PIWIL1: variants seen among roughly 807,000 people sequenced by gnomAD.
The protein encoded by PIWIL1 is piwi-like protein 1.
In PIWIL1, 73 loss-of-function variants were observed where a neutral mutation model predicts 114.4. That is an observed-to-expected ratio of 0.64 (90% confidence interval 0.53 to 0.78). The LOEUF (loss-of-function observed/expected upper bound fraction) is 0.78. PIWIL1 is among the 30% of genes least tolerant of loss of function. PIWIL1 has a pLI of 0.00. For missense variants in PIWIL1, 723 were observed against 1,063.1 expected, an observed-to-expected ratio of 0.68 and a Z score of 4.45; for synonymous variants, 375 against 369.0, an observed-to-expected ratio of 1.02 and a Z score of -0.19.
the PIWIL1 span, chr12:130,424,157 G>A: frequency 5.0e-5 from 61 of 1,231,930 alleles, no homozygotes; most frequent in South Asian, 8.2e-4. The surrounding 1 kb of genome is among the most constrained non-coding windows in gnomAD (Gnocchi z 9.8). Flanking sequence ...GGCCTTGTGC[G>A]ACTCTGGGAG....
the PIWIL1 span, among the ~76,000 whole-genome samples, chr12:130,393,992 A>G: frequency 2.0e-5 from 3 of 152,054 alleles, no homozygotes; most frequent in Non-Finnish European, 2.9e-5. Context: ...TGCTGTATGT[A>G]TTTTACGGAT....
the PIWIL1 span, among the ~76,000 whole-genome samples, chr12:130,404,306 T>C: frequency 1.3e-5 from 2 of 152,172 alleles, no homozygotes; most frequent in Admixed American, 1.3e-4. Context: ...TAATTCCTTT[T>C]TGTTTGTTTT....
chr12:130,393,959 A>G, the PIWIL1 span, among the ~76,000 whole-genome samples: 5 of 152,150 alleles, frequency 3.3e-5, no homozygotes. Context: ...TTCTTCAGCT[A>G]GTGAAGTTGG....
At chr12:130,396,041 G>GT in the PIWIL1 span, 1 of 150,896 alleles carries the variant, frequency 6.6e-6, no homozygotes, top group African/African-American at 2.4e-5. Flanking sequence ...CCCAGAAACG[G>GT]TAAGGTTATG....
At chr12:130,342,512 A>G (rs1322922430) in intron 1 of PIWIL1, 68 bp from the exon 2 acceptor site, 1 of 906,792 alleles carries the variant, frequency 1.1e-6, no homozygotes, top group African/African-American at 1.6e-5. Context: ...GTTTAAAGTA[A>G]CATTGTAGAA....
chr12:130,354,763 A>G lies in PIWIL1; in HGVS notation c.1171+100A>G. On this transcript the variant is annotated intron_variant, in intron 10 of 20. Coordinates refer to ENST00000245255, the MANE Select transcript of PIWIL1 (RefSeq NM_004764.5). Reference sequence around the variant, plus strand: ...CCTTTACTTCCCCTTCCCTCCCCCCAGAAAACCTTTTATTAAAACTGCTTT... The same window carrying G: ...CCTTTACTTCCCCTTCCCTCCCCCCGGAAAACCTTTTATTAAAACTGCTTT... The G allele has an allele frequency of 4.0e-6, 6 of 1,484,948 alleles. No homozygotes were observed. In the East Asian group the frequency reaches 1.4e-4, roughly 34 times the overall value. The allele number at this position is 1,484,948 out of a possible 1,614,324, so 92.0% of individuals were successfully genotyped here.
chr12:130,378,920 A>G, the PIWIL1 span, among the ~76,000 whole-genome samples: 1 of 152,238 alleles, frequency 6.6e-6, no homozygotes, highest in East Asian at 1.9e-4. Context: ...TTTCTTAAGT[A>G]TCATTCGAAG....
the PIWIL1 span, chr12:130,424,307 G>A: frequency 5.7e-6 from 7 of 1,231,562 alleles, no homozygotes; most frequent in African/African-American, 4.7e-5. This position sits in a 1 kb window ranked among gnomAD's most constrained non-coding sequence, Gnocchi z 9.8. Flanking sequence ...CGGGCTGGGG[G>A]TCGTCGTTCC....
intron 18 of PIWIL1, 115 bp downstream of exon 18, chr12:130,363,259 G>C: frequency 9.8e-7 from 1 of 1,020,860 alleles, no homozygotes; most frequent in South Asian, 1.6e-5. Flanking sequence ...AGGGACTGTA[G>C]GGCCTTTGAG....
chr12:130,340,653 A>AG (rs2072892260), intron 1 of PIWIL1, among the ~76,000 whole-genome samples: 2 of 29,808 alleles, frequency 6.7e-5, no homozygotes, highest in Non-Finnish European at 1.3e-4. Flanking sequence ...GGGTGGGGGG[A>AG]GGGGGGTTGG....
chr12:130,361,714 C>T (rs1461618378), intron 16 of PIWIL1, 113 bp downstream of exon 16: 1 of 784,090 alleles, frequency 1.3e-6, no homozygotes, highest in Non-Finnish European at 2.1e-6. Context: ...CAATCATATA[C>T]AGCAACGAAT....
At chr12:130,395,364 G>T in the PIWIL1 span, among the ~76,000 whole-genome samples, 1 of 152,188 alleles carries the variant, frequency 6.6e-6, no homozygotes, top group Non-Finnish European at 1.5e-5. Flanking sequence ...GTTGGGGCTG[G>T]AATGAGTAAT....
chr12:130,378,838 T>C, the PIWIL1 span, among the ~76,000 whole-genome samples: 1 of 152,264 alleles, frequency 6.6e-6, no homozygotes, highest in Non-Finnish European at 1.5e-5. Context: ...GTTTATGTAT[T>C]CTGGATACAA....
chr12:130,419,397 A>T, the PIWIL1 span: 8,797 of 152,368 alleles, frequency 0.058, 322 homozygotes, highest in Middle Eastern at 0.17. This position sits in a 1 kb window ranked among gnomAD's most constrained non-coding sequence, Gnocchi z 4.3. Flanking sequence ...CACTGGTGCC[A>T]TAAGAATAAG....
the PIWIL1 span, among the ~76,000 whole-genome samples, chr12:130,393,022 G>A: frequency 0.061 from 1,973 of 32,170 alleles, no homozygotes; most frequent in African/African-American, 0.15. Flanking sequence ...GTGATGACCC[G>A]GTCACCGTCA....
intron 6 of PIWIL1, among the ~76,000 whole-genome samples, chr12:130,347,694 C>T (rs143127648): frequency 1.5e-4 from 23 of 152,230 alleles, no homozygotes; most frequent in African/African-American, 4.8e-4. Flanking sequence ...TTTCCCTAAA[C>T]GAGGGGTTGG....
chr12:130,407,698 G>T, the PIWIL1 span: 1 of 1,563,716 alleles, frequency 6.4e-7, no homozygotes, highest in Non-Finnish European at 8.8e-7. Flanking sequence ...GGTTGTGTCC[G>T]TCATGAAGTG....
chr12:130,366,013 A>G (rs575180607), intron 18 of PIWIL1, among the ~76,000 whole-genome samples: 1 of 152,314 alleles, frequency 6.6e-6, no homozygotes, highest in South Asian at 2.1e-4. Context: ...TTCTTGCCCT[A>G]TTCAATTTTC....
chr12:130,417,760 CAATT>C, the PIWIL1 span, among the ~76,000 whole-genome samples: 5 of 152,134 alleles, frequency 3.3e-5, no homozygotes, highest in Admixed American at 6.5e-5. Flanking sequence ...GAAATCAAAA[CAATT>C]ATTTTGGAAA....
Sources: allele counts gnomAD v4.1 joint callset (sites outside exome capture counted in the v4.1 genomes callset), GRCh38; gene constraint gnomAD v4.1.1; non-coding constraint Gnocchi (gnomAD v3.1); transcripts MANE v1.5; gene names NCBI Gene and HGNC (gene_info 2026-07-23, HGNC 2026-07-21).